Variants in CDKAL1 observed in about 807,000 individuals in gnomAD.
CDKAL1 encodes the protein CDKAL1 threonylcarbamoyladenosine tRNA methylthiotransferase.
A neutral mutation model predicts 68.2 loss-of-function variants in CDKAL1; 32 were observed. The ratio of observed to expected loss-of-function variants is 0.47; its 90% CI spans 0.35 to 0.63. CDKAL1 has a LOEUF of 0.63. CDKAL1 is among the 30% of genes least tolerant of loss of function. The pLI is 0.00. For synonymous variants in CDKAL1, 234 were observed against 244.3 expected (o/e 0.96, Z 0.39); for missense variants, 606 against 696.7 (o/e 0.87, Z 1.47).
intron 13 of CDKAL1, among the ~76,000 whole-genome samples, chr6:21,116,448 C>A (rs1221760253): frequency 6.6e-6 from 1 of 152,174 alleles, no homozygotes; most frequent in Admixed American, 6.5e-5. Context: ...ACTCATTTAT[C>A]TTTATACCAA....
intron 5 of CDKAL1, among the ~76,000 whole-genome samples, chr6:20,727,363 T>C (rs959148370): frequency 2.6e-5 from 4 of 152,160 alleles, no homozygotes; most frequent in African/African-American, 9.7e-5. Context: ...CATATGGATA[T>C]ACAGGGTTTA....
intron 8 of CDKAL1, among the ~76,000 whole-genome samples, chr6:20,782,758 C>A (rs1775483848): frequency 6.6e-6 from 1 of 152,198 alleles, no homozygotes; most frequent in Non-Finnish European, 1.5e-5. Flanking sequence ...AAATTATACA[C>A]AGTAGGGATT....
At chr6:20,920,095 C>G (rs192044559) in intron 9 of CDKAL1, among the ~76,000 whole-genome samples, 16 of 152,224 alleles carry the variant, frequency 1.1e-4, no homozygotes, top group Middle Eastern at 3.4e-3. Context: ...TCTTAATATC[C>G]TTTTAATAAA....
chr6:20,775,199 G>C (rs538228732), intron 7 of CDKAL1, among the ~76,000 whole-genome samples: 3 of 152,126 alleles, frequency 2.0e-5, no homozygotes, highest in Admixed American at 6.5e-5. Context: ...GTCATTATCA[G>C]TTGATCTTGT....
intron 7 of CDKAL1, among the ~76,000 whole-genome samples, chr6:20,779,015 T>C: frequency 6.6e-6 from 1 of 152,184 alleles, no homozygotes; most frequent in Non-Finnish European, 1.5e-5. Context: ...AAGAAATACA[T>C]TTGGCTGATA....
chr6:21,092,204 C>T (rs1582180100), intron 12 of CDKAL1, among the ~76,000 whole-genome samples: 1 of 118,944 alleles, frequency 8.4e-6, no homozygotes, highest in East Asian at 2.7e-4. Context: ...AACTTTCAAT[C>T]AGCTTTTTTT....
At chr6:21,085,036 T>G (rs538310740) in intron 12 of CDKAL1, among the ~76,000 whole-genome samples, 1 of 152,352 alleles carries the variant, frequency 6.6e-6, no homozygotes, top group African/African-American at 2.4e-5. Context: ...CCTGAAATCC[T>G]ATCCTATTAA....
intron 4 of CDKAL1, among the ~76,000 whole-genome samples, chr6:20,631,102 G>T (rs78091756): frequency 6.6e-6 from 1 of 152,292 alleles, no homozygotes; most frequent in African/African-American, 2.4e-5. Context: ...CCACTTTTAA[G>T]TCCATTGTGT....
chr6:21,034,937 T>G (rs1000502129), intron 11 of CDKAL1, among the ~76,000 whole-genome samples: 1 of 152,190 alleles, frequency 6.6e-6, no homozygotes, highest in Non-Finnish European at 1.5e-5. Flanking sequence ...AATTGTAAAC[T>G]CAATTACTTT....
chr6:21,205,724 G>T (rs1582415003), intron 15 of CDKAL1, among the ~76,000 whole-genome samples: 1 of 150,442 alleles, frequency 6.6e-6, no homozygotes, highest in African/African-American at 2.5e-5. Context: ...GTAGAGACGG[G>T]GTTTCACTGT....
chr6:21,028,412 T>C (rs1471513436), intron 11 of CDKAL1, among the ~76,000 whole-genome samples: 2 of 152,172 alleles, frequency 1.3e-5, no homozygotes, highest in Admixed American at 6.5e-5. Context: ...TTTCTCACCA[T>C]TTTAGAGGCT....
In CDKAL1 at chr6:21,003,369, T is replaced by TACACACACACACACACACACACAC. The variant is rs1292656062; in HGVS notation, c.1055+2998_1055+2999insCACACACACACACACACACACACA. ...ATATATATATATATATATATATATA[T>TACACACACACACACACACACACAC]ATACACACACACACACACACATATA... is the stretch of plus-strand genomic sequence containing the variant. On this transcript the variant is annotated intron_variant, in intron 11 of 15. Transcript: ENST00000274695. Among the ~76,000 whole-genome samples, 321 of 46,482 alleles carry TACACACACACACACACACACACAC rather than the reference T, an allele frequency of 6.9e-3. 4 individuals carry two copies. The highest frequency in any genetic ancestry group is 0.027 in the African/African-American group (302 of 11,230). 30.5% of individuals were successfully genotyped at this position (46,482 alleles called of 152,430 possible). A position where few individuals can be genotyped will look rare whatever the true frequency, so the allele number is the denominator to read the frequency against.
chr6:20,851,824 A>G (rs1444982703), intron 9 of CDKAL1, among the ~76,000 whole-genome samples: 8 of 151,750 alleles, frequency 5.3e-5, no homozygotes, highest in Admixed American at 5.3e-4. Context: ...ACTTTTTTAG[A>G]TAGGAAACAA....
chr6:21,122,846 T>A (rs1774797664), intron 13 of CDKAL1, among the ~76,000 whole-genome samples: 2 of 147,828 alleles, frequency 1.4e-5, no homozygotes, highest in African/African-American at 2.5e-5. Context: ...GGTCTCACTA[T>A]GTTGCCCAGG....
intron 10 of CDKAL1, among the ~76,000 whole-genome samples, chr6:20,999,720 CT>C (rs1380325111): frequency 7.1e-6 from 1 of 140,080 alleles, no homozygotes; most frequent in Non-Finnish European, 1.5e-5. Flanking sequence ...AGTTTTTTTC[CT>C]GATTTTTTTT....
At chr6:20,709,343 CA>C (rs1159652899) in intron 5 of CDKAL1, among the ~76,000 whole-genome samples, 1 of 151,766 alleles carries the variant, frequency 6.6e-6, no homozygotes, top group Admixed American at 6.6e-5. Context: ...CCCAAAAATC[CA>C]AAATCTGAAA....
chr6:20,739,335 G>A (rs1773341337), intron 5 of CDKAL1, among the ~76,000 whole-genome samples, 184 bp from the exon 6 acceptor site: 1 of 152,122 alleles, frequency 6.6e-6, no homozygotes. Context: ...GTTCTTTAAT[G>A]CTGCGATAAA....
intron 12 of CDKAL1, among the ~76,000 whole-genome samples, chr6:21,088,964 A>G (rs191205823): frequency 3.9e-5 from 6 of 152,318 alleles, no homozygotes; most frequent in Admixed American, 3.3e-4. Context: ...AAATAAAATT[A>G]GTATGATATA....
intron 13 of CDKAL1, among the ~76,000 whole-genome samples, chr6:21,177,701 C>T (rs1472374334): frequency 2.7e-5 from 4 of 147,788 alleles, no homozygotes; most frequent in Non-Finnish European, 4.5e-5. Flanking sequence ...GATATATTAT[C>T]TCCAAAATGG....
Sources: allele counts gnomAD v4.1 joint callset (sites outside exome capture counted in the v4.1 genomes callset), GRCh38; gene constraint gnomAD v4.1.1; transcripts MANE v1.5; gene names NCBI Gene and HGNC (gene_info 2026-07-23, HGNC 2026-07-21).